ANKRD16: variants seen among roughly 807,000 people sequenced by gnomAD.
ANKRD16 encodes ankyrin repeat domain-containing protein 16.
A neutral mutation model predicts 37.9 loss-of-function variants in ANKRD16; 35 were observed. That is an observed-to-expected ratio of 0.92 (90% CI 0.71 to 1.23). The LOEUF (loss-of-function observed/expected upper bound fraction) is 1.23. ANKRD16 is among the 50% of genes most tolerant of loss of function. ANKRD16 has a pLI of 0.00. For synonymous variants in ANKRD16, 206 were observed against 197.2 expected, an observed-to-expected ratio of 1.04 and a Z score of -0.37; for missense variants, 480 against 469.9, an observed-to-expected ratio of 1.02 and a Z score of -0.20.
Position 5,878,386 on chromosome 10 carries a change from A to G in ANKRD16, c.929-99T>C, listed in dbSNP as rs1355277647. ...GCCCAATAAAAATATCAATTCTTTC[A>G]ATATCTTCCGTAATCCATCTTCACA... On this transcript the variant is annotated intron_variant, in intron 6 of 7. Coordinates refer to ENST00000380094, the MANE Select transcript of ANKRD16 (RefSeq NM_019046.3). The surrounding 1 kb of genome is among the most constrained non-coding windows in gnomAD (Gnocchi z 5.1). The G allele has an allele frequency of 9.1e-7, 1 of 1,103,158 alleles. No homozygotes were observed. The highest frequency in any genetic ancestry group is 1.6e-5 in the African/African-American group (1 of 62,982). The allele number at this position is 1,103,158 out of a possible 1,614,324, so 68.3% of individuals were successfully genotyped here.
Position 5,889,069 on chromosome 10 carries a change from C to T in ANKRD16, c.286G>A (p.Ala96Thr). The T allele has an allele frequency of 6.4e-7, 1 of 1,559,634 alleles. No individual in the cohort carries two copies. Among genetic ancestry groups the T allele is most frequent in the Non-Finnish European group, 8.6e-7 (1 of 1,159,200 alleles). ...CVRYLLGRGA[A>T]VDCLKKADWT... ...TCGGCCTTCTTCAGGCAGTCGACCG[C>T]TGCCCCCCGGCCCAGCAGGTAGCGC... Residue 96 changes from alanine (A) to threonine (T), a missense_variant, in exon 1 of 8, where the codon GCG becomes ACG. Ala to Thr is a moderately conservative substitution (Grantham distance 58). Transcript: ENST00000380094.
At position 5,864,523 on chromosome 10, in the gene ANKRD16, A is replaced by G. The variant is rs1256099075; in HGVS notation, c.*34-1832T>C. Among the ~76,000 whole-genome samples the G allele has an allele frequency of 7.9e-5, 12 of 152,136 alleles. No individual in the cohort carries two copies. The highest frequency in any genetic ancestry group is 5.9e-4 in the Admixed American group (9 of 15,270). On this transcript the variant is annotated intron_variant, in intron 7 of 7. Coordinates refer to ENST00000380094, the MANE Select transcript of ANKRD16 (RefSeq NM_019046.3). This position sits in a 1 kb window ranked among gnomAD's most constrained non-coding sequence, Gnocchi z 4.4. The stretch of plus-strand genomic sequence containing the variant: ...CCACAGGGTCCAGGGCAAACCTTCA[A>G]TCTCACCTGGAGAGATGTCATGCTA...
At position 5,874,740 on chromosome 10, in the gene ANKRD16, A is replaced by C. The variant is rs964896924; in HGVS notation, c.*33+3357T>G. ...ATGCAGAAACGTAAGCAGGCAGTGG[A>C]AAGTAAGGGCTAGAGAGAGATCTGA... On this transcript the variant is annotated intron_variant, in intron 7 of 7. Transcript: ENST00000380094. This position sits in a 1 kb window ranked among gnomAD's most constrained non-coding sequence, Gnocchi z 4.7. 1.3e-5 allele frequency among the ~76,000 whole-genome samples: 2 copies of C among 152,142 alleles called. No homozygotes were observed. Among genetic ancestry groups the C allele is most frequent in the Non-Finnish European group, 2.9e-5 (2 of 68,024 alleles).
chr10:5,867,433 G>T (rs148980952), intron 7 of ANKRD16, among the ~76,000 whole-genome samples: 3,983 of 152,264 alleles, frequency 0.026, 160 homozygotes, highest in African/African-American at 0.09. Context: ...GCGAGCTATT[G>T]GCACTCAGCC....
intron 2 of ANKRD16, among the ~76,000 whole-genome samples, chr10:5,886,533 G>C (rs1842426034): frequency 6.6e-6 from 1 of 152,228 alleles, no homozygotes; most frequent in African/African-American, 2.4e-5. Flanking sequence ...AGAGGTTGCA[G>C]TGAGCCGAGA....
chr10:5,881,451 T>TATATATATATAC (rs1842311770), intron 5 of ANKRD16, among the ~76,000 whole-genome samples: 1 of 42,926 alleles, frequency 2.3e-5, no homozygotes, highest in Non-Finnish European at 4.8e-5. Context: ...TATATATATA[T>TATATATATATAC]ATATATATAT....
rs544253855 is a variant in ANKRD16 at position 5,866,002 on chromosome 10, T to C, written c.*34-3311A>G. On this transcript the variant is annotated intron_variant, in intron 7 of 7. Transcript: ENST00000380094. This position sits in a 1 kb window ranked among gnomAD's most constrained non-coding sequence, Gnocchi z 4.3. ...TATAGTAGCAAAAGGCTGGCCTCACTGTTTATGGGTAGTTGCAGCGGTGGC... is the reference window on the plus strand; with the variant it reads ...TATAGTAGCAAAAGGCTGGCCTCACCGTTTATGGGTAGTTGCAGCGGTGGC... 1.3e-5 allele frequency among the ~76,000 whole-genome samples: 2 copies of C among 152,332 alleles called. No individual in the cohort carries two copies. The highest frequency in any genetic ancestry group is 1.3e-4 in the Admixed American group (2 of 15,308).
rs1184351505 is a variant in ANKRD16 at position 5,868,268 on chromosome 10, TTGAC to T, written c.*34-5581_*34-5578del. Among the ~76,000 whole-genome samples the T allele has an allele frequency of 4.6e-5, 7 of 152,324 alleles. No individual in the cohort carries two copies. Among genetic ancestry groups the T allele is most frequent in the Admixed American group, 4.6e-4 (7 of 15,296 alleles). ...ACCCCTGGACCAAACTGCTGGCCCTTTGACTGGCCTAAAGAGTTCCCCTCTAGAG... is the reference window on the plus strand; with the variant it reads ...ACCCCTGGACCAAACTGCTGGCCCTTTGGCCTAAAGAGTTCCCCTCTAGAG... On this transcript the variant is annotated intron_variant, in intron 7 of 7. Coordinates refer to ENST00000380094, the MANE Select transcript of ANKRD16 (RefSeq NM_019046.3). The surrounding 1 kb of genome is among the most constrained non-coding windows in gnomAD (Gnocchi z 4.9).
At position 5,871,360 on chromosome 10, in the gene ANKRD16, C is replaced by T. The variant is rs998275474; in HGVS notation, c.*33+6737G>A. On this transcript the variant is annotated intron_variant, in intron 7 of 7. Transcript: ENST00000380094. This position sits in a 1 kb window ranked among gnomAD's most constrained non-coding sequence, Gnocchi z 4.5. ...CGAGATTGAGCCATTGCACTCTAGCCTGGGCGACAGAGCTAGACTCCAACT... is the reference window on the plus strand; with the variant it reads ...CGAGATTGAGCCATTGCACTCTAGCTTGGGCGACAGAGCTAGACTCCAACT... Among the ~76,000 whole-genome samples, 1 of 151,692 alleles carries T rather than the reference C, an allele frequency of 6.6e-6. No individual in the cohort carries two copies. Among genetic ancestry groups the T allele is most frequent in the South Asian group, 2.1e-4 (1 of 4,794 alleles).
At position 5,862,537 on chromosome 10, in the gene ANKRD16, C is replaced by T; in HGVS notation, c.*188G>A. The T allele has an allele frequency of 8.3e-7, 1 of 1,201,090 alleles. No homozygotes were observed. Among genetic ancestry groups the T allele is most frequent in the Non-Finnish European group, 1.1e-6 (1 of 911,716 alleles). 74.4% of individuals were successfully genotyped at this position (1,201,090 alleles called of 1,614,324 possible). ...GCCAGTGCAGATGTGGCACTGACTT[C>T]ACCACTGGTACACCTCAGATATACA... On this transcript the variant is annotated 3_prime_UTR_variant, in exon 8 of 8. Coordinates refer to ENST00000380094, the MANE Select transcript of ANKRD16 (RefSeq NM_019046.3). This position sits in a 1 kb window ranked among gnomAD's most constrained non-coding sequence, Gnocchi z 6.5.
Position 5,878,175 on chromosome 10 carries a change from C to T in ANKRD16, c.1041G>A (p.Arg347=). Residue 347 remains arginine, a synonymous_variant, in exon 7 of 8, where the codon AGG becomes AGA. Coordinates refer to ENST00000380094, the MANE Select transcript of ANKRD16 (RefSeq NM_019046.3). This position sits in a 1 kb window ranked among gnomAD's most constrained non-coding sequence, Gnocchi z 5.1. The part of the protein sequence containing the change: ...ITGTLAQQLP[R]RADVLQGSGH... Reference sequence around the variant, plus strand: ...CAGAGCCCTGAAGGACATCTGCTCTCCTTGGGAGCTGCTGAGCCAGGGTGC... The same window carrying T: ...CAGAGCCCTGAAGGACATCTGCTCTTCTTGGGAGCTGCTGAGCCAGGGTGC... 5 of 1,614,206 alleles carry T rather than the reference C, an allele frequency of 3.1e-6. No homozygotes were observed. The highest frequency in any genetic ancestry group is 2.2e-5 in the South Asian group (2 of 91,086).
At chr10:5,881,438 T>TATATA in intron 5 of ANKRD16, among the ~76,000 whole-genome samples, 1 of 51,016 alleles carries the variant, frequency 2.0e-5, no homozygotes, top group South Asian at 6.2e-4. Flanking sequence ...AAAATATTAT[T>TATATA]TATATATATA....
In ANKRD16 at chr10:5,881,196, T is replaced by C. The variant is rs974995417; in HGVS notation, c.850-820A>G. The C allele has an allele frequency of 2.0e-5, 10 of 503,644 alleles. No individual in the cohort carries two copies. The African/African-American group carries it at 2.1e-4, about 11-fold the overall frequency. The allele number at this position is 503,644 out of a possible 1,614,324, so 31.2% of individuals were successfully genotyped here. A position where few individuals can be genotyped will look rare whatever the true frequency, so the allele number is the denominator to read the frequency against. On this transcript the variant is annotated intron_variant, in intron 5 of 7. Coordinates refer to ENST00000380094, the MANE Select transcript of ANKRD16 (RefSeq NM_019046.3). ...TGACATTTAATTATTAGAATATAGA[T>C]GATCAACTCTGTGAGCCAAATTACT... is the stretch of plus-strand genomic sequence containing the variant.
At position 5,863,129 on chromosome 10, in the gene ANKRD16, C is replaced by T. The variant is rs931566528; in HGVS notation, c.*34-438G>A. ...GGCTTTCAACACGAGGCCTCCCCAA[C>T]GCAGTGTCCACACCAGCATTACTGT... On this transcript the variant is annotated intron_variant, in intron 7 of 7. Coordinates refer to ENST00000380094, the MANE Select transcript of ANKRD16 (RefSeq NM_019046.3). This position sits in a 1 kb window ranked among gnomAD's most constrained non-coding sequence, Gnocchi z 4.7. Among the ~76,000 whole-genome samples the T allele has an allele frequency of 3.3e-5, 5 of 152,046 alleles. No individual in the cohort carries two copies. The highest frequency in any genetic ancestry group is 1.3e-4 in the Admixed American group (2 of 15,266).
rs1208286367 is a variant in ANKRD16 at position 5,862,614 on chromosome 10, G to A, written c.*111C>T. The A allele has an allele frequency of 7.8e-7, 1 of 1,289,248 alleles. No homozygotes were observed. Among genetic ancestry groups the A allele is most frequent in the Non-Finnish European group, 1.0e-6 (1 of 988,868 alleles). 79.9% of individuals were successfully genotyped at this position (1,289,248 alleles called of 1,614,324 possible). On this transcript the variant is annotated 3_prime_UTR_variant, in exon 8 of 8. Coordinates refer to ENST00000380094, the MANE Select transcript of ANKRD16 (RefSeq NM_019046.3). This position sits in a 1 kb window ranked among gnomAD's most constrained non-coding sequence, Gnocchi z 6.5. ...AGGTGGCTGCGGTTGGTTGAACTCA[G>A]GTTCAGGATGACTGAAGCAAGTTGC... is the stretch of plus-strand genomic sequence containing the variant.
chr10:5,882,736 C>T (rs1490392144), intron 5 of ANKRD16: 6 of 280,170 alleles, frequency 2.1e-5, no homozygotes, highest in Non-Finnish European at 4.1e-5. Context: ...CTTCAAATAA[C>T]GTTATTCCTG....
rs111388931 is a variant in ANKRD16 at position 5,887,748 on chromosome 10, C to T, written c.535+99G>A. On this transcript the variant is annotated intron_variant, in intron 2 of 7. Coordinates refer to ENST00000380094, the MANE Select transcript of ANKRD16 (RefSeq NM_019046.3). ...TCTGCCTTCTGTTTTCCAAAATCCT[C>T]CTTTCCCCTGAAGGTGACCTGAACA... is the stretch of plus-strand genomic sequence containing the variant. 6,048 of 724,466 alleles carry T rather than the reference C, an allele frequency of 8.3e-3. 46 individuals are homozygous for T. Among genetic ancestry groups the T allele is most frequent in the Middle Eastern group, 0.032 (54 of 1,702 alleles). The allele number at this position is 724,466 out of a possible 1,614,324, so 44.9% of individuals were successfully genotyped here.
chr10:5,886,400 G>C (rs536832630), intron 2 of ANKRD16, among the ~76,000 whole-genome samples: 187 of 152,318 alleles, frequency 1.2e-3, no homozygotes, highest in Non-Finnish European at 2.4e-3. Context: ...AGACCAGCCT[G>C]GCCAACAAGG....
At position 5,869,681 on chromosome 10, in the gene ANKRD16, C is replaced by T. The variant is rs1476518271; in HGVS notation, c.*34-6990G>A. Among the ~76,000 whole-genome samples, 3 of 144,938 alleles carry T rather than the reference C, an allele frequency of 2.1e-5. No homozygotes were observed. The highest frequency in any genetic ancestry group is 4.5e-5 in the Non-Finnish European group (3 of 67,090). On this transcript the variant is annotated intron_variant, in intron 7 of 7. Transcript: ENST00000380094. This position sits in a 1 kb window ranked among gnomAD's most constrained non-coding sequence, Gnocchi z 4.0. ...TGGGGAGGAACCGGCAGGGTGAACG[C>T]GAGTATTTCTCCTCATGCACAAGAA...
Sources: allele counts gnomAD v4.1 joint callset (sites outside exome capture counted in the v4.1 genomes callset), GRCh38; gene constraint gnomAD v4.1.1; non-coding constraint Gnocchi (gnomAD v3.1); transcripts MANE v1.5; gene names NCBI Gene and HGNC (gene_info 2026-07-23, HGNC 2026-07-21).